RBFOX1: variants seen among roughly 807,000 people sequenced by gnomAD.
The protein encoded by RBFOX1 is RNA binding fox-1 homolog 1, also known as RNA binding protein fox-1 homolog 1.
In RBFOX1, 8 loss-of-function variants were observed where a neutral mutation model predicts 57.7. The ratio of observed to expected loss-of-function variants is 0.14; its 90% CI spans 0.08 to 0.25. The LOEUF (loss-of-function observed/expected upper bound fraction) is 0.25. RBFOX1 is among the 10% of genes least tolerant of loss of function. RBFOX1 has a pLI of 1.00. For synonymous variants in RBFOX1, 326 were observed against 222.4 expected (o/e 1.47, Z -4.15); for missense variants, 611 against 548.5 (o/e 1.11, Z -1.14).
chr16:5,782,044 T>C (rs1445081796), intron 3 of RBFOX1, among the ~76,000 whole-genome samples: 1 of 152,148 alleles, frequency 6.6e-6, no homozygotes, highest in Non-Finnish European at 1.5e-5. Context: ...CCGTCTCTAC[T>C]AAAAATAGAG....
intron 3 of RBFOX1, among the ~76,000 whole-genome samples, chr16:6,840,260 G>A (rs978218217): frequency 2.0e-5 from 3 of 152,030 alleles, no homozygotes; most frequent in Non-Finnish European, 4.4e-5. Flanking sequence ...TTAGTCACAC[G>A]GAACACACTG....
chr16:7,336,159 C>T (rs1193243061), intron 4 of RBFOX1, among the ~76,000 whole-genome samples: 2 of 152,146 alleles, frequency 1.3e-5, no homozygotes, highest in Admixed American at 1.3e-4. Context: ...AGTCACTTGC[C>T]CAAGTCAGCC....
intron 1 of RBFOX1, among the ~76,000 whole-genome samples, chr16:6,074,707 T>G (rs1430608739): frequency 6.6e-6 from 1 of 152,074 alleles, no homozygotes; most frequent in African/African-American, 2.4e-5. Flanking sequence ...TAAGGGAGGA[T>G]TCTGAGTAAA....
At chr16:6,852,589 A>G (rs2094129618) in intron 3 of RBFOX1, among the ~76,000 whole-genome samples, 1 of 152,180 alleles carries the variant, frequency 6.6e-6, no homozygotes, top group South Asian at 2.1e-4. Flanking sequence ...GCATGTTGGA[A>G]ACTAGCTGTC....
At chr16:6,737,006 C>G (rs977860704) in intron 3 of RBFOX1, among the ~76,000 whole-genome samples, 1 of 152,146 alleles carries the variant, frequency 6.6e-6, no homozygotes, top group Non-Finnish European at 1.5e-5. Context: ...GACACGGGAA[C>G]CGTCTGAAAA....
chr16:5,348,130 C>G (rs1373017693), intron 1 of RBFOX1, among the ~76,000 whole-genome samples: 2 of 151,170 alleles, frequency 1.3e-5, no homozygotes, highest in Non-Finnish European at 2.9e-5. Flanking sequence ...ATCCACCCAC[C>G]TATCCATCCA....
intron 1 of RBFOX1, among the ~76,000 whole-genome samples, chr16:5,376,172 GAAAAA>G (rs796746799): frequency 1.0e-5 from 1 of 99,472 alleles, no homozygotes; most frequent in Non-Finnish European, 2.3e-5. Flanking sequence ...TGTCTCAAAA[GAAAAA>G]AAAAAAAAAA....
chr16:6,695,475 A>G (rs1245731804), intron 3 of RBFOX1, among the ~76,000 whole-genome samples: 1 of 151,194 alleles, frequency 6.6e-6, no homozygotes, highest in East Asian at 1.9e-4. Context: ...AAAATGACAT[A>G]ATTAAATGTA....
chr16:6,914,930 C>A (rs1158589955), intron 3 of RBFOX1, among the ~76,000 whole-genome samples: 1 of 152,208 alleles, frequency 6.6e-6, no homozygotes, highest in Non-Finnish European at 1.5e-5. Flanking sequence ...CCCTCACTCA[C>A]ATAACTTTTA....
chr16:6,085,580 G>A (rs143039358), intron 1 of RBFOX1, among the ~76,000 whole-genome samples: 162 of 152,200 alleles, frequency 1.1e-3, no homozygotes, highest in African/African-American at 3.9e-3. Context: ...TCACACCCAG[G>A]TTTTTAGGAT....
At chr16:5,276,514 G>A (rs544653236) in intron 1 of RBFOX1, among the ~76,000 whole-genome samples, 3 of 152,302 alleles carry the variant, frequency 2.0e-5, no homozygotes, top group South Asian at 2.1e-4. Flanking sequence ...GCCAGGCGCC[G>A]TGGCTGACGC....
At chr16:6,482,419 T>C (rs541437688) in intron 2 of RBFOX1, among the ~76,000 whole-genome samples, 4 of 152,322 alleles carry the variant, frequency 2.6e-5, no homozygotes, top group Admixed American at 2.0e-4. Flanking sequence ...GCACTTAAGC[T>C]GAAGATAGCT....
At chr16:6,666,666 C>T (rs562700181) in intron 3 of RBFOX1, among the ~76,000 whole-genome samples, 1 of 152,120 alleles carries the variant, frequency 6.6e-6, no homozygotes. Context: ...CTCTTCCAAG[C>T]ATGCTTCACA....
At chr16:7,410,223 GTGC>G (rs1334922553) in intron 4 of RBFOX1, among the ~76,000 whole-genome samples, 4 of 152,208 alleles carry the variant, frequency 2.6e-5, no homozygotes, top group Non-Finnish European at 5.9e-5. Context: ...TCCAGGCACA[GTGC>G]TGTAGGCACT....
At chr16:7,158,424 C>G (rs149293681) in intron 4 of RBFOX1, among the ~76,000 whole-genome samples, 7 of 152,246 alleles carry the variant, frequency 4.6e-5, no homozygotes, top group South Asian at 2.1e-4. Flanking sequence ...ATATACTGGT[C>G]TTATACAGAC....
intron 2 of RBFOX1, among the ~76,000 whole-genome samples, chr16:6,441,969 T>C (rs553948081): frequency 6.6e-6 from 1 of 152,312 alleles, no homozygotes; most frequent in South Asian, 2.1e-4. Context: ...TATTATGGAA[T>C]GACAATTCCA....
At position 5,339,470 on chromosome 16, in the gene RBFOX1, G is replaced by GTTTTTTTTTTTTTTTTTTTTTTTTT. The variant is rs560472298; in HGVS notation, c.219+99371_219+99395dup. Among the ~76,000 whole-genome samples, 41 of 40,888 alleles carry GTTTTTTTTTTTTTTTTTTTTTTTTT rather than the reference G, an allele frequency of 1.0e-3. 14 individuals are homozygous for GTTTTTTTTTTTTTTTTTTTTTTTTT. The highest frequency in any genetic ancestry group is 8.0e-3 in the South Asian group (4 of 498). 26.8% of individuals were successfully genotyped at this position (40,888 alleles called of 152,430 possible). ...AAAAGCTAGAAGCTGCTTTTTCCGT[G>GTTTTTTTTTTTTTTTTTTTTTTTTT]TTTTTTTTTTTTTTTTTTTTTTTTT... On this transcript the variant is annotated intron_variant, in intron 1 of 2. Transcript: ENST00000585867.
At chr16:5,300,375 C>T (rs182904175) in intron 1 of RBFOX1, among the ~76,000 whole-genome samples, 19 of 151,976 alleles carry the variant, frequency 1.3e-4, no homozygotes, top group Middle Eastern at 3.4e-3. Flanking sequence ...AGGGTGGGAG[C>T]GGGTGAGGGA....
chr16:6,228,274 G>A (rs895352296), intron 1 of RBFOX1, among the ~76,000 whole-genome samples: 1 of 152,066 alleles, frequency 6.6e-6, no homozygotes, highest in Non-Finnish European at 1.5e-5. Flanking sequence ...GGTGAGCTGA[G>A]ATCATGCCAC....
Sources: allele counts gnomAD v4.1 joint callset (sites outside exome capture counted in the v4.1 genomes callset), GRCh38; gene constraint gnomAD v4.1.1; transcripts MANE v1.5; gene names NCBI Gene and HGNC (gene_info 2026-07-23, HGNC 2026-07-21).